The following CSMD1 variants were observed in gnomAD, a reference collection of about 807,000 sequenced individuals.
The protein encoded by CSMD1 is CUB and Sushi multiple domains 1, also known as CUB and sushi domain-containing protein 1.
In CSMD1, 213 loss-of-function variants were observed where a neutral mutation model predicts 417.5. The observed-to-expected ratio is 0.51, with a 90% CI of 0.46 to 0.57. CSMD1 has a LOEUF of 0.57. CSMD1 is among the 20% of genes least tolerant of loss of function. CSMD1 has a pLI of 0.00. For missense variants in CSMD1, 6,923 were observed against 4,529.7 expected (o/e 1.53, Z -15.17); for synonymous variants, 2,862 against 1,736.8 (o/e 1.65, Z -16.11).
chr8:3,410,938 G>T (rs780824354), intron 12 of CSMD1, among the ~76,000 whole-genome samples: 2 of 152,082 alleles, frequency 1.3e-5, no homozygotes, highest in Non-Finnish European at 2.9e-5. Context: ...GGAGGAGGAG[G>T]CAGTGAAGAA....
intron 11 of CSMD1, among the ~76,000 whole-genome samples, chr8:3,472,672 A>C (rs1427117147): frequency 6.6e-6 from 1 of 151,836 alleles, no homozygotes; most frequent in Admixed American, 6.6e-5. Flanking sequence ...TATTTTTCCT[A>C]TTGCCATTTG....
At chr8:4,872,869 C>G (rs540044138) in intron 1 of CSMD1, among the ~76,000 whole-genome samples, 3 of 152,174 alleles carry the variant, frequency 2.0e-5, no homozygotes, top group East Asian at 1.9e-4. Flanking sequence ...TTGGCTCATA[C>G]TGGAGTAGTA....
chr8:4,393,471 T>G (rs1041956570), intron 3 of CSMD1, among the ~76,000 whole-genome samples: 1 of 152,192 alleles, frequency 6.6e-6, no homozygotes, highest in African/African-American at 2.4e-5. Flanking sequence ...CATGATTATG[T>G]TGAGATGGCA....
chr8:3,935,554 G>T (rs1264289090), intron 5 of CSMD1, among the ~76,000 whole-genome samples: 1 of 152,064 alleles, frequency 6.6e-6, no homozygotes, highest in Non-Finnish European at 1.5e-5. Flanking sequence ...AGGCTTCTAG[G>T]TATATGATTG....
At chr8:3,467,747 C>G (rs1357982150) in intron 12 of CSMD1, among the ~76,000 whole-genome samples, 1 of 152,146 alleles carries the variant, frequency 6.6e-6, no homozygotes, top group Non-Finnish European at 1.5e-5. Context: ...CACATGGACT[C>G]ATGACAATGT....
chr8:4,306,634 C>A lies in CSMD1; in HGVS notation c.415+113319G>T, dbSNP rs960106638. On this transcript the variant is annotated intron_variant, in intron 3 of 69. Coordinates refer to ENST00000635120, the MANE Select transcript of CSMD1 (RefSeq NM_033225.6). ...GGCCTCTTCAATCTCATTCACACAT[C>A]TGGATGTATCCATTGTCGATCACAT... Among the ~76,000 whole-genome samples, 6 of 152,242 alleles carry A rather than the reference C, an allele frequency of 3.9e-5. No individual in the cohort carries two copies. In the South Asian group the frequency reaches 1.2e-3, roughly 32 times the overall value.
chr8:3,597,904 G>T (rs1801170138), intron 8 of CSMD1, among the ~76,000 whole-genome samples: 1 of 152,156 alleles, frequency 6.6e-6, no homozygotes, highest in Non-Finnish European at 1.5e-5. Flanking sequence ...GTTGATGGGT[G>T]CAGCAAACCA....
rs866100418 is a variant in CSMD1 at position 3,901,363 on chromosome 8, G to C, written c.818+96540C>G. On this transcript the variant is annotated intron_variant, in intron 5 of 69. Transcript: ENST00000635120. ...AATTTAATTTTTTTCAAAGTGTGTT[G>C]ATTGGAAGTGAAGATGGGCATATTT... Among the ~76,000 whole-genome samples the C allele has an allele frequency of 6.6e-5, 10 of 152,184 alleles. No homozygotes were observed. In the East Asian group the frequency reaches 1.2e-3, roughly 18 times the overall value.
intron 50 of CSMD1, among the ~76,000 whole-genome samples, chr8:3,050,728 G>T (rs1003912592): frequency 6.6e-6 from 1 of 152,030 alleles, no homozygotes; most frequent in South Asian, 2.1e-4. Context: ...ATGAAATAAA[G>T]AAAAATAAAA....
At chr8:4,864,263 A>G (rs940660022) in intron 1 of CSMD1, among the ~76,000 whole-genome samples, 4 of 152,112 alleles carry the variant, frequency 2.6e-5, no homozygotes, top group South Asian at 4.1e-4. Flanking sequence ...TGAGAAATAC[A>G]TACCTACACA....
chr8:3,235,538 A>C (rs1348158549), intron 26 of CSMD1, among the ~76,000 whole-genome samples: 1 of 152,164 alleles, frequency 6.6e-6, no homozygotes, highest in Non-Finnish European at 1.5e-5. Flanking sequence ...CACATTAAGG[A>C]TTAAAGGCTC....
chr8:4,174,206 G>C (rs909178044), intron 3 of CSMD1, among the ~76,000 whole-genome samples: 2 of 152,154 alleles, frequency 1.3e-5, no homozygotes, highest in Admixed American at 6.5e-5. Context: ...CAGAGCCTCA[G>C]CAGCTATGTG....
At chr8:3,827,589 A>C (rs377275602) in intron 5 of CSMD1, among the ~76,000 whole-genome samples, 3 of 152,222 alleles carry the variant, frequency 2.0e-5, no homozygotes, top group African/African-American at 7.2e-5. Context: ...ATTTCAAATT[A>C]CATCAATGAA....
intron 3 of CSMD1, among the ~76,000 whole-genome samples, chr8:4,251,464 G>A (rs1469411463): frequency 6.6e-6 from 1 of 152,148 alleles, no homozygotes; most frequent in South Asian, 2.1e-4. Context: ...CCTACACCAT[G>A]CAGTGTTGTA....
intron 4 of CSMD1, among the ~76,000 whole-genome samples, chr8:4,004,876 C>G (rs925827988): frequency 2.0e-5 from 3 of 152,250 alleles, no homozygotes; most frequent in East Asian, 3.9e-4. Context: ...TCCCGAGTAG[C>G]TGGGACTACA....
chr8:3,219,475 C>T, intron 28 of CSMD1, 33 bp from the exon 29 acceptor site: 6 of 1,369,358 alleles, frequency 4.4e-6, no homozygotes, highest in East Asian at 2.7e-5. Flanking sequence ...TGTCATACGG[C>T]TAACAGATAT....
At chr8:4,950,572 T>G (rs1808675026) in intron 1 of CSMD1, among the ~76,000 whole-genome samples, 1 of 152,212 alleles carries the variant, frequency 6.6e-6, no homozygotes, top group South Asian at 2.1e-4. Context: ...TTTATAAATT[T>G]AGTTTCTATG....
chr8:3,196,472 C>T (rs9785106), intron 33 of CSMD1, among the ~76,000 whole-genome samples: 100,397 of 151,862 alleles, frequency 0.66, 34,412 homozygotes, highest in Non-Finnish European at 0.76. Context: ...CTTTCTTGCG[C>T]GAGATCCAAG....
chr8:3,891,215 T>C (rs1806948531), intron 5 of CSMD1, among the ~76,000 whole-genome samples: 1 of 151,960 alleles, frequency 6.6e-6, no homozygotes, highest in Admixed American at 6.6e-5. Flanking sequence ...CTGGCTAATA[T>C]TTGTATTTTT....
Sources: allele counts gnomAD v4.1 joint callset (sites outside exome capture counted in the v4.1 genomes callset), GRCh38; gene constraint gnomAD v4.1.1; transcripts MANE v1.5; gene names NCBI Gene and HGNC (gene_info 2026-07-23, HGNC 2026-07-21).